JAKMIP1: variants seen among roughly 807,000 people sequenced by gnomAD.
JAKMIP1 encodes janus kinase and microtubule interacting protein 1.
In JAKMIP1, 33 loss-of-function variants were observed where a neutral mutation model predicts 113.0. The observed-to-expected ratio is 0.29, with a 90% CI of 0.22 to 0.39. The LOEUF is 0.39. JAKMIP1 is among the 10% of genes least tolerant of loss of function. The pLI is 1.00. For synonymous variants in JAKMIP1, 480 were observed against 459.9 expected (o/e 1.04, Z -0.56); for missense variants, 813 against 1,080.5 (o/e 0.75, Z 3.47).
chr4:6,092,007 G>A lies in JAKMIP1; in HGVS notation c.625-6378C>T, dbSNP rs1420189960. ...TCTCCAGGAGGTTCTTAGTTTCTAA[G>A]AACCTTTGGAATCTCAGAGTCTTTC... On this transcript the variant is annotated intron_variant, in intron 3 of 20. Transcript: ENST00000409021. 2.0e-5 allele frequency among the ~76,000 whole-genome samples: 3 copies of A among 152,180 alleles called. No individual in the cohort carries two copies. In the East Asian group the frequency reaches 5.8e-4, roughly 29 times the overall value.
Position 6,094,688 on chromosome 4 carries a change from T to A in JAKMIP1, c.625-9059A>T, listed in dbSNP as rs1041444950. The stretch of plus-strand genomic sequence containing the variant: ...ACTCTTATTAGGAAAGGAATGCAGA[T>A]CCATTATAGAAAATGAAAAATACAG... On this transcript the variant is annotated intron_variant, in intron 3 of 20. Transcript: ENST00000409021. This position sits in a 1 kb window ranked among gnomAD's most constrained non-coding sequence, Gnocchi z 4.2. Among the ~76,000 whole-genome samples, 4 of 152,210 alleles carry A rather than the reference T, an allele frequency of 2.6e-5. No individual in the cohort carries two copies. Among genetic ancestry groups the A allele is most frequent in the African/African-American group, 9.7e-5 (4 of 41,448 alleles).
chr4:6,085,714 G>A (rs1721191002), intron 3 of JAKMIP1, 85 bp from the exon 4 acceptor site: 2 of 1,296,922 alleles, frequency 1.5e-6, no homozygotes, highest in Non-Finnish European at 2.2e-6. Context: ...TCGGCCCAGG[G>A]AAAGGTCAAA....
At position 6,112,874 on chromosome 4, in the gene JAKMIP1, G is replaced by A; in HGVS notation, c.-24C>T. The A allele has an allele frequency of 6.2e-7, 1 of 1,611,446 alleles. No individual in the cohort carries two copies. Among genetic ancestry groups the A allele is most frequent in the South Asian group, 1.1e-5 (1 of 90,886 alleles). ...ATGCTTCCCCTTGGGTCAGAGTGCT[G>A]AGATCCTGCGGTCCACACCTGTTCA... On this transcript the variant is annotated 5_prime_UTR_variant, in exon 2 of 21. Transcript: ENST00000409021.
At chr4:6,037,766 C>G (rs1023084999) in intron 18 of JAKMIP1, among the ~76,000 whole-genome samples, 1 of 149,106 alleles carries the variant, frequency 6.7e-6, no homozygotes, top group Non-Finnish European at 1.5e-5. Context: ...CCCTCCATCA[C>G]TGAGTCAGAG....
rs555923745 is a variant in JAKMIP1, at chr4:6,093,801, G to T, written c.625-8172C>A. ...TTTCCTCAAAGAAGGAGCCAGGTTT[G>T]CCCGTGGTAGGAGTCGGTGGGGAAC... is the stretch of plus-strand genomic sequence containing the variant. On this transcript the variant is annotated intron_variant, in intron 3 of 20. Transcript: ENST00000409021. This position sits in a 1 kb window ranked among gnomAD's most constrained non-coding sequence, Gnocchi z 4.6. Among the ~76,000 whole-genome samples the T allele has an allele frequency of 6.6e-6, 1 of 152,258 alleles. No individual in the cohort carries two copies. Among genetic ancestry groups the T allele is most frequent in the East Asian group, 1.9e-4 (1 of 5,180 alleles).
At chr4:6,054,519 C>G (rs1008682322) in intron 12 of JAKMIP1, among the ~76,000 whole-genome samples, 2 of 152,198 alleles carry the variant, frequency 1.3e-5, no homozygotes, top group East Asian at 1.9e-4. Flanking sequence ...ACACCCAAAG[C>G]CTGTCCAGGT....
At position 6,112,613 on chromosome 4, in the gene JAKMIP1, C is replaced by A. The variant is rs1030266586; in HGVS notation, c.129+109G>T. 11 of 1,333,414 alleles carry A rather than the reference C, an allele frequency of 8.2e-6. 1 individual carries two copies. Among genetic ancestry groups the A allele is most frequent in the Admixed American group, 3.7e-5 (2 of 54,582 alleles). The allele number at this position is 1,333,414 out of a possible 1,614,324, so 82.6% of individuals were successfully genotyped here. On this transcript the variant is annotated intron_variant, in intron 2 of 20. Coordinates refer to ENST00000409021, the MANE Select transcript of JAKMIP1 (RefSeq NM_001099433.2). ...GCAGGGCAGAGAGGTGAAGTGCCCC[C>A]CCTCGGCCCCCCTCCTGGAACAGGC...
intron 2 of JAKMIP1, among the ~76,000 whole-genome samples, chr4:6,112,511 C>A (rs1715095153): frequency 6.6e-6 from 1 of 152,160 alleles, no homozygotes; most frequent in African/African-American, 2.4e-5. Context: ...TGTTCAGTGG[C>A]TTTTTGAAGG....
chr4:6,045,692 G>A (rs944913333), intron 16 of JAKMIP1, among the ~76,000 whole-genome samples: 1 of 152,152 alleles, frequency 6.6e-6, no homozygotes, highest in Non-Finnish European at 1.5e-5. Context: ...AACCAACATG[G>A]AGAAACCCGT....
intron 3 of JAKMIP1, among the ~76,000 whole-genome samples, chr4:6,102,497 CT>C (rs34836453): frequency 0.1 from 15,874 of 152,074 alleles, 894 homozygotes; most frequent in East Asian, 0.22. Flanking sequence ...ATTCAAGGCA[CT>C]GTCTTAGAAG....
chr4:6,172,610 C>G (rs1231458377), intron 1 of JAKMIP1, among the ~76,000 whole-genome samples: 1 of 152,192 alleles, frequency 6.6e-6, no homozygotes, highest in African/African-American at 2.4e-5. Flanking sequence ...CTGAATCAGC[C>G]AGGGGATGGG....
In JAKMIP1 at chr4:6,185,168, A is replaced by C. The variant is rs1726503027; in HGVS notation, c.-148+15085T>G. The stretch of plus-strand genomic sequence containing the variant: ...TGCTCCTCAGCTTGCAGATGGCCTA[A>C]TGTGGGGCTTCACCTTGTGATCTTG... On this transcript the variant is annotated intron_variant, in intron 1 of 20. Coordinates refer to ENST00000409021, the MANE Select transcript of JAKMIP1 (RefSeq NM_001099433.2). The surrounding 1 kb of genome is among the most constrained non-coding windows in gnomAD (Gnocchi z 5.3). Among the ~76,000 whole-genome samples, 1 of 152,174 alleles carries C rather than the reference A, an allele frequency of 6.6e-6. No individual in the cohort carries two copies. Among genetic ancestry groups the C allele is most frequent in the Non-Finnish European group, 1.5e-5 (1 of 68,026 alleles).
chr4:6,092,011 C>G (rs998401475), intron 3 of JAKMIP1, among the ~76,000 whole-genome samples: 1 of 152,132 alleles, frequency 6.6e-6, no homozygotes, highest in African/African-American at 2.4e-5. Flanking sequence ...TTCTAAGAAC[C>G]TTTGGAATCT....
At chr4:6,198,092 C>T (rs1305217708) in intron 1 of JAKMIP1, among the ~76,000 whole-genome samples, 1 of 152,252 alleles carries the variant, frequency 6.6e-6, no homozygotes, top group Admixed American at 6.5e-5. Context: ...GGCCACCTCA[C>T]TGTGTCCCGT....
intron 11 of JAKMIP1, 133 bp from the exon 12 acceptor site, chr4:6,056,892 G>T (rs1716548022): frequency 2.9e-6 from 2 of 690,574 alleles, no homozygotes. Context: ...GCCGTGATGT[G>T]CCCTCATTGT....
chr4:6,134,481 A>C (rs1467210750), intron 1 of JAKMIP1, among the ~76,000 whole-genome samples: 1 of 151,226 alleles, frequency 6.6e-6, no homozygotes, highest in Admixed American at 6.6e-5. Flanking sequence ...TTTAAAATTC[A>C]GCTTGGGCAT....
In JAKMIP1 at chr4:6,065,075, C is replaced by G; in HGVS notation, c.1303-67G>C. 3 of 1,592,952 alleles carry G rather than the reference C, an allele frequency of 1.9e-6. No individual in the cohort carries two copies. In the South Asian group the frequency reaches 3.3e-5, roughly 18 times the overall value. On this transcript the variant is annotated intron_variant, in intron 8 of 20. Transcript: ENST00000409021. The surrounding 1 kb of genome is among the most constrained non-coding windows in gnomAD (Gnocchi z 5.1). Reference sequence around the variant, plus strand: ...TTGCCAGAGTCTACCAGTCCCTGGTCGTGGGCATGCCAGTGCAGGGGGGTG... The same window carrying G: ...TTGCCAGAGTCTACCAGTCCCTGGTGGTGGGCATGCCAGTGCAGGGGGGTG...
In JAKMIP1 at chr4:6,059,367, T is replaced by G. The variant is rs1716940036; in HGVS notation, c.1644+1057A>C. ...GCTTTGCAGCTTTGCAGCTTTGCAG[T>G]GCTCTTCTGGAGCTGCTTCTGTTAA... On this transcript the variant is annotated intron_variant, in intron 11 of 20. Coordinates refer to ENST00000409021, the MANE Select transcript of JAKMIP1 (RefSeq NM_001099433.2). This position sits in a 1 kb window ranked among gnomAD's most constrained non-coding sequence, Gnocchi z 4.8. Among the ~76,000 whole-genome samples, 1 of 152,194 alleles carries G rather than the reference T, an allele frequency of 6.6e-6. No individual in the cohort carries two copies. Among genetic ancestry groups the G allele is most frequent in the Non-Finnish European group, 1.5e-5 (1 of 68,030 alleles).
At chr4:6,196,713 T>G (rs545525795) in intron 1 of JAKMIP1, among the ~76,000 whole-genome samples, 113 of 152,094 alleles carry the variant, frequency 7.4e-4, no homozygotes, top group Non-Finnish European at 1.4e-3. Context: ...ACAAAAAAAT[T>G]AGCCAGGCAT....
Sources: gnomAD v4.1 joint callset for allele counts (sites outside exome capture counted in the v4.1 genomes callset) on GRCh38, gnomAD v4.1.1 for gene constraint, Gnocchi (gnomAD v3.1) non-coding constraint, MANE v1.5 for transcripts, NCBI Gene and HGNC (gene_info 2026-07-23, HGNC 2026-07-21) for gene names.